ZCCHC9: variants seen among roughly 807,000 people sequenced by gnomAD.
ZCCHC9 encodes zinc finger CCHC domain-containing protein 9.
ZCCHC9 carries 18 observed loss-of-function variants against 30.8 expected under a neutral mutation model. That is an observed-to-expected ratio of 0.58 (90% CI 0.40 to 0.87). The LOEUF is 0.87. ZCCHC9 is among the 40% of genes least tolerant of loss of function. The pLI is 0.00. For missense variants in ZCCHC9, 279 were observed against 331.2 expected, an observed-to-expected ratio of 0.84 and a Z score of 1.22; for synonymous variants, 94 against 106.7, an observed-to-expected ratio of 0.88 and a Z score of 0.73.
intron 2 of ZCCHC9, among the ~76,000 whole-genome samples, chr5:81,308,023 A>AAAAATCTATCTG (rs1554049984): frequency 1.6e-3 from 26 of 15,970 alleles, no homozygotes; most frequent in South Asian, 6.0e-3. Context: ...AAAAAAAAAA[A>AAAAATCTATCTG]TCTATCTATC....
At chr5:81,305,163 T>C in intron 2 of ZCCHC9, 22 bp downstream of exon 2, 2 of 1,558,054 alleles carry the variant, frequency 1.3e-6, no homozygotes, top group Non-Finnish European at 1.7e-6. Context: ...ACTTCTACCA[T>C]GTTATTTACT....
chr5:81,304,994 A>C lies in ZCCHC9; in HGVS notation c.237A>C (p.Leu79=), dbSNP rs1320348274. 2.5e-6 allele frequency: 4 copies of C among 1,614,106 alleles called. No homozygotes were observed. In the African/African-American group the frequency reaches 5.3e-5, roughly 22 times the overall value. ...NEDVNGFMEY[L]RQNSQMVHNG... is the part of the protein sequence containing the mutation. ...ATGTGAATGGATTCATGGAATACCT[A>C]AGACAGAATTCACAGATGGTTCACA... is the stretch of plus-strand genomic sequence containing the variant. The change falls in exon 2 of 6, where the codon CTA becomes CTC. Residue 79 remains leucine, a synonymous_variant. Coordinates refer to ENST00000407610, the MANE Select transcript of ZCCHC9 (RefSeq NM_001131035.2).
chr5:81,312,353 A>G (rs1357369345), intron 5 of ZCCHC9, among the ~76,000 whole-genome samples, 191 bp from the exon 6 acceptor site: 5 of 152,342 alleles, frequency 3.3e-5, no homozygotes, highest in Admixed American at 3.3e-4. Context: ...GGGATGAGAA[A>G]TTGCCTGTGG....
intron 4 of ZCCHC9, among the ~76,000 whole-genome samples, chr5:81,310,661 T>C (rs1469831286): frequency 6.6e-6 from 1 of 152,228 alleles, no homozygotes; most frequent in African/African-American, 2.4e-5. Context: ...TTGTTTAAAG[T>C]AGGCAGGTGG....
Position 81,311,362 on chromosome 5 carries a change from A to G in ZCCHC9, c.697+83A>G, listed in dbSNP as rs3736378. ...TTCTGCACTTGTTATTAATAACTCAATTGGGATACTAATGATTTTAAGACA... is the reference window on the plus strand; with the variant it reads ...TTCTGCACTTGTTATTAATAACTCAGTTGGGATACTAATGATTTTAAGACA... On this transcript the variant is annotated intron_variant, in intron 5 of 5. Coordinates refer to ENST00000407610, the MANE Select transcript of ZCCHC9 (RefSeq NM_001131035.2). 65 of 1,358,982 alleles carry G rather than the reference A, an allele frequency of 4.8e-5. No individual in the cohort carries two copies. The East Asian group carries it at 1.2e-3, about 25-fold the overall frequency. 84.2% of individuals were successfully genotyped at this position (1,358,982 alleles called of 1,614,324 possible).
chr5:81,305,662 C>G (rs1329881657), intron 2 of ZCCHC9, among the ~76,000 whole-genome samples: 1 of 151,580 alleles, frequency 6.6e-6, no homozygotes, highest in African/African-American at 2.4e-5. Flanking sequence ...CTACTGCCAG[C>G]TGAGGCAGGA....
chr5:81,308,615 C>T lies in ZCCHC9; in HGVS notation c.439C>T (p.Leu147Phe), dbSNP rs749747517. 5 of 1,613,690 alleles carry T rather than the reference C, an allele frequency of 3.1e-6. No individual in the cohort carries two copies. Among genetic ancestry groups the T allele is most frequent in the Non-Finnish European group, 4.2e-6 (5 of 1,179,838 alleles). Residue 147 changes from leucine to phenylalanine, a missense_variant, in exon 3 of 6, where the codon CTT becomes TTT. Leu to Phe is a conservative substitution (Grantham distance 22). Transcript: ENST00000407610. ...TGGAATTGCAGATTGCCCCGCCGCC[C>T]TTGAAAATCAAGACATGGGCACTGG... ...GHGIADCPAA[L>F]ENQDMGTGIC...
chr5:81,303,908 C>T (rs1049275995), intron 1 of ZCCHC9: 1 of 152,192 alleles, frequency 6.6e-6, no homozygotes, highest in Admixed American at 6.5e-5. Context: ...AAAATATCCT[C>T]CAAATCACTA....
chr5:81,312,463 C>G, intron 5 of ZCCHC9, 81 bp from the exon 6 acceptor site: 2 of 1,137,570 alleles, frequency 1.8e-6, no homozygotes, highest in Non-Finnish European at 2.6e-6. Context: ...AAATGAGTTC[C>G]TTTCCCAAAC....
chr5:81,310,533 C>T (rs1758248230), intron 4 of ZCCHC9, among the ~76,000 whole-genome samples: 1 of 151,732 alleles, frequency 6.6e-6, no homozygotes, highest in Non-Finnish European at 1.5e-5. Context: ...TTTTCTAAGT[C>T]ACTTAACATT....
At position 81,311,235 on chromosome 5, in the gene ZCCHC9, C is replaced by T. The variant is rs1229855465; in HGVS notation, c.653C>T (p.Ser218Phe). Reference sequence around the variant, plus strand: ...GGTGGCGGTTGCAAACTTTGTGGCTCTGTGGAACATTTAAAGAAAGATTGC... The same window carrying T: ...GGTGGCGGTTGCAAACTTTGTGGCTTTGTGGAACATTTAAAGAAAGATTGC... ...ADGGGCKLCG[S>F]VEHLKKDCPE... Residue 218 changes from serine (S) to phenylalanine (F), a missense_variant, in exon 5 of 6, where the codon TCT (serine) becomes TTT (phenylalanine). Coordinates refer to ENST00000407610, the MANE Select transcript of ZCCHC9 (RefSeq NM_001131035.2). 1.9e-6 allele frequency: 3 copies of T among 1,613,982 alleles called. No homozygotes were observed. The highest frequency in any genetic ancestry group is 2.7e-5 in the African/African-American group (2 of 74,916).
intron 4 of ZCCHC9, among the ~76,000 whole-genome samples, chr5:81,310,779 G>A (rs1280673215): frequency 6.6e-6 from 1 of 152,178 alleles, no homozygotes; most frequent in Non-Finnish European, 1.5e-5. Context: ...CAGTAGAACA[G>A]TAGTTTCTAA....
At chr5:81,306,618 G>T (rs1758090288) in intron 2 of ZCCHC9, among the ~76,000 whole-genome samples, 1 of 152,116 alleles carries the variant, frequency 6.6e-6, no homozygotes, top group South Asian at 2.1e-4. Flanking sequence ...TATATGGCTT[G>T]TTATGACCTG....
rs750724103 is a variant in ZCCHC9 at position 81,312,541 on chromosome 5, C to T, written c.698-3C>T. On this transcript the variant is annotated splice_region_variant and splice_polypyrimidine_tract_variant and intron_variant, in intron 5 of 5. Coordinates refer to ENST00000407610, the MANE Select transcript of ZCCHC9 (RefSeq NM_001131035.2). ...ACATTCTGATTTTTCTATTCCTTTA[C>T]AGAGCGAATGGTCACAGTTGGTCGC... 13 of 1,607,814 alleles carry T rather than the reference C, an allele frequency of 8.1e-6. No individual in the cohort carries two copies. The South Asian group carries it at 8.9e-5, about 11-fold the overall frequency.
intron 4 of ZCCHC9, 22 bp from the exon 5 acceptor site, chr5:81,311,189 A>C (rs748165295): frequency 6.2e-7 from 1 of 1,613,900 alleles, no homozygotes; most frequent in South Asian, 1.1e-5. Flanking sequence ...GATGGTATTC[A>C]GTGGCTTTGC....
chr5:81,308,255 A>C (rs945417124), intron 2 of ZCCHC9, among the ~76,000 whole-genome samples: 5 of 152,176 alleles, frequency 3.3e-5, no homozygotes, highest in Admixed American at 3.3e-4. Context: ...ATTCCAGTTA[A>C]TAAAATGAAT....
chr5:81,312,064 G>A (rs1404136160), intron 5 of ZCCHC9, among the ~76,000 whole-genome samples: 4 of 152,202 alleles, frequency 2.6e-5, no homozygotes, highest in Non-Finnish European at 4.4e-5. Context: ...CTAGAAGATA[G>A]TCTTTAGTAC....
Position 81,304,820 on chromosome 5 carries a change from G to C in ZCCHC9, c.63G>C (p.Trp21Cys), listed in dbSNP as rs1381588096. 1 of 1,613,630 alleles carries C rather than the reference G, an allele frequency of 6.2e-7. No homozygotes were observed. The highest frequency in any genetic ancestry group is 1.1e-5 in the South Asian group (1 of 90,920). The change falls in exon 2 of 6, where the codon TGG (tryptophan) becomes TGC (cysteine). Residue 21 changes from tryptophan to cysteine, a missense_variant. Trp to Cys is a radical substitution (Grantham distance 215). Coordinates refer to ENST00000407610, the MANE Select transcript of ZCCHC9 (RefSeq NM_001131035.2). ...YNKRPLPATS[W>C]EDMKKGSFEG... ...AGAGACCCTTGCCTGCAACATCATG[G>C]GAGGACATGAAGAAGGGATCCTTTG...
intron 5 of ZCCHC9, among the ~76,000 whole-genome samples, chr5:81,312,125 C>T (rs1758308831): frequency 6.6e-6 from 1 of 152,186 alleles, no homozygotes; most frequent in South Asian, 2.1e-4. Flanking sequence ...ATTCTCCCTC[C>T]TGGGAGGATT....
Sources: gnomAD v4.1 joint callset for allele counts (sites outside exome capture counted in the v4.1 genomes callset) on GRCh38, gnomAD v4.1.1 for gene constraint, MANE v1.5 for transcripts, NCBI Gene and HGNC (gene_info 2026-07-23, HGNC 2026-07-21) for gene names.